Variants in F13A1 observed in about 807,000 individuals in gnomAD.
F13A1 encodes the protein FSF, A subunit.
Under a neutral mutation model 80.1 loss-of-function variants are expected in F13A1, and 47 were observed. The ratio of observed to expected loss-of-function variants is 0.59; its 90% CI spans 0.46 to 0.75. The LOEUF is 0.75. F13A1 is among the 30% of genes least tolerant of loss of function. F13A1 has a pLI of 0.00. For missense variants in F13A1, 817 were observed against 930.4 expected (o/e 0.88, Z 1.59); for synonymous variants, 349 against 344.9 (o/e 1.01, Z -0.13).
intron 6 of F13A1, among the ~76,000 whole-genome samples, chr6:6,242,077 G>T (rs1757490618): frequency 6.6e-6 from 1 of 152,092 alleles, no homozygotes; most frequent in Non-Finnish European, 1.5e-5. Flanking sequence ...TAAATACTGG[G>T]ACAAAAAGAG....
At chr6:6,260,614 A>G (rs1757766346) in intron 4 of F13A1, among the ~76,000 whole-genome samples, 1 of 152,172 alleles carries the variant, frequency 6.6e-6, no homozygotes, top group African/African-American at 2.4e-5. Context: ...GCGGTTCATC[A>G]TATCATCCCC....
chr6:6,320,596 C>A lies in F13A1; in HGVS notation c.-28G>T. On this transcript the variant is annotated 5_prime_UTR_variant, in exon 1 of 15. Coordinates refer to ENST00000264870, the MANE Select transcript of F13A1 (RefSeq NM_000129.4). ...AGGGTCGGTGGCTTACCTGCAGGCG[C>A]TCCCCTCCAGAGGTGCCCTCGCGTG... 1 of 469,198 alleles carries A rather than the reference C, an allele frequency of 2.1e-6. No homozygotes were observed. The highest frequency in any genetic ancestry group is 1.6e-5 in the South Asian group (1 of 64,278). The allele number at this position is 469,198 out of a possible 1,614,324, so 29.1% of individuals were successfully genotyped here.
intron 8 of F13A1, among the ~76,000 whole-genome samples, chr6:6,218,880 A>T (rs1009537113): frequency 6.6e-6 from 1 of 152,056 alleles, no homozygotes; most frequent in Non-Finnish European, 1.5e-5. Context: ...ACCCTCTTGT[A>T]CTTTTCCTCT....
rs1757953625 is a variant in F13A1, at chr6:6,273,909, A to C, written c.320-7100T>G. Among the ~76,000 whole-genome samples, 3 of 152,242 alleles carry C rather than the reference A, an allele frequency of 2.0e-5. No homozygotes were observed. In the South Asian group the frequency reaches 6.2e-4, roughly 31 times the overall value. ...CAAAAACAAAATGCCACCACCAAAAAAGAAACAATCAAAAAGGCACAGAAA... is the reference window on the plus strand; with the variant it reads ...CAAAAACAAAATGCCACCACCAAAACAGAAACAATCAAAAAGGCACAGAAA... On this transcript the variant is annotated intron_variant, in intron 3 of 14. Coordinates refer to ENST00000264870, the MANE Select transcript of F13A1 (RefSeq NM_000129.4).
chr6:6,320,611 G>A lies in F13A1; in HGVS notation c.-43C>T, dbSNP rs1487837139. On this transcript the variant is annotated 5_prime_UTR_variant, in exon 1 of 15. Coordinates refer to ENST00000264870, the MANE Select transcript of F13A1 (RefSeq NM_000129.4). ...CCTGCAGGCGCTCCCCTCCAGAGGT[G>A]CCCTCGCGTGGGCTTGCTCTGTGCG... is the stretch of plus-strand genomic sequence containing the variant. 2.1e-6 allele frequency: 1 copy of A among 470,224 alleles called. No individual in the cohort carries two copies. The highest frequency in any genetic ancestry group is 1.6e-5 in the South Asian group (1 of 64,398). 29.1% of individuals were successfully genotyped at this position (470,224 alleles called of 1,614,324 possible).
intron 8 of F13A1, among the ~76,000 whole-genome samples, chr6:6,217,430 A>G (rs559244106): frequency 6.6e-6 from 1 of 150,866 alleles, no homozygotes; most frequent in Non-Finnish European, 1.5e-5. Flanking sequence ...TCACAAGAAC[A>G]AAAAACCAAA....
intron 13 of F13A1, among the ~76,000 whole-genome samples, chr6:6,166,987 AATC>A (rs1760685236): frequency 6.6e-6 from 1 of 152,212 alleles, no homozygotes; most frequent in Non-Finnish European, 1.5e-5. Context: ...GCACATACAA[AATC>A]ATCATCAAGC....
chr6:6,203,555 C>A (rs527684226), intron 8 of F13A1, among the ~76,000 whole-genome samples: 70 of 152,294 alleles, frequency 4.6e-4, no homozygotes, highest in Admixed American at 1.3e-3. Context: ...CTGCAAGGAA[C>A]TGAATTCTTT....
At chr6:6,218,138 G>C (rs1017438039) in intron 8 of F13A1, among the ~76,000 whole-genome samples, 8 of 152,174 alleles carry the variant, frequency 5.3e-5, no homozygotes, top group African/African-American at 1.9e-4. Context: ...ACACAGGGAG[G>C]CTTCTTCATT....
At chr6:6,202,313 T>G (rs1463625338) in intron 8 of F13A1, among the ~76,000 whole-genome samples, 1 of 151,990 alleles carries the variant, frequency 6.6e-6, no homozygotes, top group Non-Finnish European at 1.5e-5. Flanking sequence ...TCCATAAGAG[T>G]TTTTCTGTTT....
chr6:6,145,290 T>G lies in F13A1; in HGVS notation c.*329A>C. The stretch of plus-strand genomic sequence containing the variant: ...AGGCCAGGTATTGAGCAAATCTCCC[T>G]GGTAAGAGAGCCCACTGATATTTGG... On this transcript the variant is annotated 3_prime_UTR_variant, in exon 15 of 15. Coordinates refer to ENST00000264870, the MANE Select transcript of F13A1 (RefSeq NM_000129.4). The G allele has an allele frequency of 5.5e-6, 2 of 363,960 alleles. No individual in the cohort carries two copies. Among genetic ancestry groups the G allele is most frequent in the South Asian group, 4.7e-5 (2 of 42,652 alleles). 22.5% of individuals were successfully genotyped at this position (363,960 alleles called of 1,614,324 possible). A position where few individuals can be genotyped will look rare whatever the true frequency, so the allele number is the denominator to read the frequency against.
chr6:6,281,533 C>T (rs1758064854), intron 3 of F13A1, among the ~76,000 whole-genome samples: 1 of 152,140 alleles, frequency 6.6e-6, no homozygotes, highest in Non-Finnish European at 1.5e-5. Flanking sequence ...GTCATTACAC[C>T]TTTTATATAT....
chr6:6,194,252 G>A (rs1445390956), intron 10 of F13A1, among the ~76,000 whole-genome samples: 1 of 152,092 alleles, frequency 6.6e-6, no homozygotes, highest in African/African-American at 2.4e-5. Flanking sequence ...GGAGGGACAA[G>A]GAGCAAGTCT....
chr6:6,263,516 T>C (rs1757805507), intron 4 of F13A1, among the ~76,000 whole-genome samples: 1 of 151,766 alleles, frequency 6.6e-6, no homozygotes, highest in African/African-American at 2.4e-5. Context: ...CTCTTAATTG[T>C]TAATGACCCT....
Position 6,222,086 on chromosome 6 carries a change from GA to G in F13A1, c.1058del (p.Ile353ThrfsTer9). 6.2e-7 allele frequency: 1 copy of G among 1,614,070 alleles called. No individual in the cohort carries two copies. The highest frequency in any genetic ancestry group is 8.5e-7 in the Non-Finnish European group (1 of 1,179,970). On this transcript the variant is annotated frameshift_variant, in exon 8 of 15. Coordinates refer to ENST00000264870, the MANE Select transcript of F13A1 (RefSeq NM_000129.4). LOFTEE classifies it high-confidence loss of function. ...HDNDANLQMDIFLEEDGNVNS... is the reference protein window; with the variant it reads ...HDNDANLQMDXFLEEDGNVNS... The stretch of plus-strand genomic sequence containing the variant: ...TCACGTTCCCATCTTCTTCCAGGAA[GA>G]TGTCCATTTGCAAATTGGCATCATT...
intron 3 of F13A1, among the ~76,000 whole-genome samples, chr6:6,299,928 G>C (rs1314491711): frequency 6.8e-6 from 1 of 147,264 alleles, no homozygotes; most frequent in Non-Finnish European, 1.5e-5. Context: ...TGGGTTTTTG[G>C]TGTGGATGTC....
intron 11 of F13A1, among the ~76,000 whole-genome samples, chr6:6,175,398 A>G (rs1454340928): frequency 6.6e-6 from 1 of 152,064 alleles, no homozygotes; most frequent in Non-Finnish European, 1.5e-5. Context: ...CTGACCCTTG[A>G]GGGCTCCTGC....
At chr6:6,198,217 T>C (rs1761326039) in intron 8 of F13A1, among the ~76,000 whole-genome samples, 1 of 152,220 alleles carries the variant, frequency 6.6e-6, no homozygotes, top group Non-Finnish European at 1.5e-5. Context: ...TTAAAAGTGC[T>C]AAGGGTCATG....
intron 3 of F13A1, among the ~76,000 whole-genome samples, chr6:6,300,180 C>T (rs1758400914): frequency 8.0e-6 from 1 of 124,962 alleles, no homozygotes; most frequent in Non-Finnish European, 1.5e-5. Flanking sequence ...TTTAAGTGTG[C>T]AGAGGTTACT....
Sources: gnomAD v4.1 joint callset for allele counts (sites outside exome capture counted in the v4.1 genomes callset) on GRCh38, gnomAD v4.1.1 for gene constraint, MANE v1.5 for transcripts, NCBI Gene and HGNC (gene_info 2026-07-23, HGNC 2026-07-21) for gene names.